Variants in MGST1 observed in about 807,000 individuals in gnomAD.
The protein encoded by MGST1 is glutathione S-transferase 12.
In MGST1, 5 loss-of-function variants were observed where a neutral mutation model predicts 8.9. That is an observed-to-expected ratio of 0.56 (90% confidence interval 0.29 to 1.19). The LOEUF (loss-of-function observed/expected upper bound fraction) is 1.19, where lower values mean the gene tolerates loss of function less well. MGST1 is among the 50% of genes most tolerant of loss of function. The pLI is 0.08. For synonymous variants in MGST1, 54 were observed against 67.8 expected (o/e 0.80, Z 1.00); for missense variants, 182 against 187.4 (o/e 0.97, Z 0.17).
rs959293005 is a variant in MGST1 at position 16,544,022 on chromosome 12, G to T, written n.483-45506G>T. On this transcript the variant is annotated intron_variant and non_coding_transcript_variant, in intron 4 of 4. Transcript: ENST00000538857. The surrounding 1 kb of genome is among the most constrained non-coding windows in gnomAD (Gnocchi z 4.8). ...TCATACTCTTCCTAAGTGTAAGCAG[G>T]TGATTTCTTATACTGCTGCTTTATA... Among the ~76,000 whole-genome samples the T allele has an allele frequency of 2.6e-5, 4 of 152,008 alleles. No individual in the cohort carries two copies. The highest frequency in any genetic ancestry group is 5.9e-5 in the Non-Finnish European group (4 of 67,960).
intron 1 of MGST1, among the ~76,000 whole-genome samples, chr12:16,431,201 G>T (rs1009607903): frequency 6.6e-6 from 1 of 152,218 alleles, no homozygotes; most frequent in East Asian, 1.9e-4. Context: ...GGCTTCAGGG[G>T]ACATTGTAGC....
intron 4 of MGST1, among the ~76,000 whole-genome samples, chr12:16,510,578 G>T (rs1941570576): frequency 6.6e-6 from 1 of 152,136 alleles, no homozygotes; most frequent in Non-Finnish European, 1.5e-5. Context: ...TTTCCATTTT[G>T]AATTTGTATT....
At chr12:16,512,880 G>A (rs1054463058) in intron 4 of MGST1, among the ~76,000 whole-genome samples, 7 of 152,252 alleles carry the variant, frequency 4.6e-5, no homozygotes, top group East Asian at 3.9e-4. Flanking sequence ...ATAATGACAC[G>A]TTAAAATAAT....
chr12:16,436,355 A>G (rs755246410), intron 1 of MGST1, among the ~76,000 whole-genome samples: 11 of 151,934 alleles, frequency 7.2e-5, no homozygotes, highest in Admixed American at 5.9e-4. Context: ...TGCCTCATTC[A>G]GAAGAGGTTT....
chr12:16,553,763 C>T (rs1232081378), intron 4 of MGST1, among the ~76,000 whole-genome samples: 1 of 151,272 alleles, frequency 6.6e-6, no homozygotes, highest in Admixed American at 6.6e-5. Context: ...GACAGCAATA[C>T]AGATAGTATG....
chr12:16,447,511 T>C (rs1941089701), intron 4 of MGST1, among the ~76,000 whole-genome samples: 1 of 151,962 alleles, frequency 6.6e-6, no homozygotes, highest in Non-Finnish European at 1.5e-5. Flanking sequence ...GCACTATCTC[T>C]GCAGGATCTA....
chr12:16,401,407 T>C lies in MGST1; in HGVS notation n.778+17803T>C, dbSNP rs1265688217. On this transcript the variant is annotated intron_variant and non_coding_transcript_variant, in intron 1 of 1. Coordinates refer to the MGST1 transcript ENST00000359720. This position sits in a 1 kb window ranked among gnomAD's most constrained non-coding sequence, Gnocchi z 4.3. ...GTTTCTGGTAATTTTGTTCAGGAGT[T>C]CTGGCTTCTGCTTTTTAGCCACGTC... 31 of 990,874 alleles carry C rather than the reference T, an allele frequency of 3.1e-5. No individual in the cohort carries two copies. The highest frequency in any genetic ancestry group is 4.9e-5 in the Non-Finnish European group (30 of 616,802). The allele number at this position is 990,874 out of a possible 1,614,324, so 61.4% of individuals were successfully genotyped here. A position where few individuals can be genotyped will look rare whatever the true frequency, so the allele number is the denominator to read the frequency against.
chr12:16,536,326 G>C (rs1049999744), intron 4 of MGST1, among the ~76,000 whole-genome samples: 4 of 152,086 alleles, frequency 2.6e-5, no homozygotes, highest in African/African-American at 7.2e-5. Flanking sequence ...GTGGTTCACT[G>C]TGTATGAAAA....
At chr12:16,400,555 A>G (rs1040410725) in intron 1 of MGST1, 1 of 892,154 alleles carries the variant, frequency 1.1e-6, no homozygotes, top group Admixed American at 1.7e-5. Context: ...TACTTCTTTA[A>G]TAATTCGGAA....
chr12:16,579,691 A>T (rs1365451700), intron 4 of MGST1, among the ~76,000 whole-genome samples: 4 of 152,214 alleles, frequency 2.6e-5, no homozygotes, highest in African/African-American at 7.2e-5. Context: ...CTAGCCTACT[A>T]GGCACTCAGT....
chr12:16,354,441 C>G, intron 2 of MGST1, 63 bp downstream of exon 2: 1 of 1,524,380 alleles, frequency 6.6e-7, no homozygotes, highest in Non-Finnish European at 8.8e-7. Context: ...GAGCAGTTTT[C>G]TTAATTTTCT....
intron 1 of MGST1, among the ~76,000 whole-genome samples, chr12:16,424,692 C>G (rs573911728): frequency 1.6e-4 from 24 of 152,288 alleles, no homozygotes; most frequent in African/African-American, 4.6e-4. Flanking sequence ...GTGACACGGG[C>G]CTATCCACAC....
chr12:16,547,922 CTT>C lies in MGST1; in HGVS notation n.483-41603_483-41602del, dbSNP rs1428373045. On this transcript the variant is annotated intron_variant and non_coding_transcript_variant, in intron 4 of 4. Transcript: ENST00000538857. The surrounding 1 kb of genome is among the most constrained non-coding windows in gnomAD (Gnocchi z 4.6). ...TAAAGTGATAGTTAAAAGGAAAACA[CTT>C]TTGCATGGCATGTTTTACTACAGAT... 6.6e-6 allele frequency among the ~76,000 whole-genome samples: 1 copy of C among 152,118 alleles called. No individual in the cohort carries two copies. Among genetic ancestry groups the C allele is most frequent in the Non-Finnish European group, 1.5e-5 (1 of 68,020 alleles).
At chr12:16,352,619 G>T (rs1423952633) in intron 1 of MGST1, among the ~76,000 whole-genome samples, 2 of 152,198 alleles carry the variant, frequency 1.3e-5, no homozygotes, top group Admixed American at 1.3e-4. Flanking sequence ...TACCTGTTTT[G>T]ACTTCAGTAT....
intron 4 of MGST1, among the ~76,000 whole-genome samples, chr12:16,527,975 T>G (rs181356258): frequency 1.1e-4 from 16 of 152,126 alleles, no homozygotes; most frequent in Admixed American, 9.8e-4. Context: ...TTATCCAAGT[T>G]TGCAGAGCCA....
At chr12:16,507,034 A>T (rs1941542486) in intron 4 of MGST1, among the ~76,000 whole-genome samples, 1 of 152,214 alleles carries the variant, frequency 6.6e-6, no homozygotes, top group South Asian at 2.1e-4. Context: ...ACTTTCCTAT[A>T]CTTGCTGTAA....
rs1191192445 is a variant in MGST1 at position 16,555,819 on chromosome 12, C to G, written n.483-33709C>G. Among the ~76,000 whole-genome samples, 12 of 152,206 alleles carry G rather than the reference C, an allele frequency of 7.9e-5. No individual in the cohort carries two copies. The highest frequency in any genetic ancestry group is 7.9e-4 in the Admixed American group (12 of 15,286). On this transcript the variant is annotated intron_variant and non_coding_transcript_variant, in intron 4 of 4. Coordinates refer to the MGST1 transcript ENST00000538857. The surrounding 1 kb of genome is among the most constrained non-coding windows in gnomAD (Gnocchi z 5.5). ...TGAAAATTCCTTTCCTCACTGCTCCCTGGCTCCCTCATCTTCCCCAACCCC... is the reference window on the plus strand; with the variant it reads ...TGAAAATTCCTTTCCTCACTGCTCCGTGGCTCCCTCATCTTCCCCAACCCC...
rs36054419 is a variant in MGST1 at position 16,432,679 on chromosome 12, G to GAC, written n.779-4657_779-4656dup. On this transcript the variant is annotated intron_variant and non_coding_transcript_variant, in intron 1 of 1. Transcript: ENST00000359720. ...TCGCAAATCTCTCCTCTCTCTCTCT[G>GAC]ACACACACACACACACACACACACA... Among the ~76,000 whole-genome samples, 891 of 124,362 alleles carry GAC rather than the reference G, an allele frequency of 7.2e-3. 6 individuals carry two copies. Among genetic ancestry groups the GAC allele is most frequent in the Middle Eastern group, 0.021 (5 of 238 alleles). 81.6% of individuals were successfully genotyped at this position (124,362 alleles called of 152,430 possible). A position where few individuals can be genotyped will look rare whatever the true frequency, so the allele number is the denominator to read the frequency against.
At chr12:16,392,117 C>T (rs991064566) in intron 1 of MGST1, among the ~76,000 whole-genome samples, 3 of 152,114 alleles carry the variant, frequency 2.0e-5, no homozygotes, top group African/African-American at 7.2e-5. Context: ...TCTTTTTGTA[C>T]CATTACCATG....
Sources: gnomAD v4.1 joint callset for allele counts (sites outside exome capture counted in the v4.1 genomes callset) on GRCh38, gnomAD v4.1.1 for gene constraint, Gnocchi (gnomAD v3.1) non-coding constraint, MANE v1.5 for transcripts, NCBI Gene and HGNC (gene_info 2026-07-23, HGNC 2026-07-21) for gene names.